The following CACNG8 variants were observed in gnomAD, a reference collection of about 807,000 sequenced individuals.
CACNG8 encodes calcium voltage-gated channel auxiliary subunit gamma 8, also known as voltage-dependent calcium channel gamma-8 subunit.
In CACNG8, 5 loss-of-function variants were observed where a neutral mutation model predicts 26.9. The ratio of observed to expected loss-of-function variants is 0.19; its 90% CI spans 0.10 to 0.39. The LOEUF (loss-of-function observed/expected upper bound fraction) is 0.39. Ranked by LOEUF, CACNG8 falls within the 10% of genes least tolerant of loss-of-function variation. The pLI, the probability that CACNG8 is intolerant of heterozygous loss-of-function variation, is 1.00. For synonymous variants in CACNG8, 321 were observed against 296.7 expected (o/e 1.08, Z -0.84); for missense variants, 473 against 609.4 (o/e 0.78, Z 2.36).
Position 53,963,121 on chromosome 19 carries a change from C to A in CACNG8, c.-22C>A. The A allele has an allele frequency of 1.4e-6, 2 of 1,457,044 alleles. No homozygotes were observed. Among genetic ancestry groups the A allele is most frequent in the Non-Finnish European group, 1.8e-6 (2 of 1,102,282 alleles). The allele number at this position is 1,457,044 out of a possible 1,614,324, so 90.3% of individuals were successfully genotyped here. ...CGCTGCCCCGGTGGTGGCCCACGGC[C>A]CCCCGGCTGCCCGTGGTCAAACTGG... On this transcript the variant is annotated 5_prime_UTR_variant, in exon 1 of 4. Transcript: ENST00000270458.
intron 1 of CACNG8, among the ~76,000 whole-genome samples, chr19:53,966,516 C>T (rs927604574): frequency 3.9e-5 from 6 of 151,992 alleles, no homozygotes; most frequent in South Asian, 2.1e-4. Context: ...GAACCCAAGC[C>T]GTCCTCTTGC....
intron 3 of CACNG8, among the ~76,000 whole-genome samples, chr19:53,981,367 A>G (rs979720185): frequency 1.0e-4 from 15 of 143,182 alleles, no homozygotes; most frequent in South Asian, 2.3e-4. Flanking sequence ...ACTCGCTGGG[A>G]GTGGGGCTTA....
At position 53,976,696 on chromosome 19, in the gene CACNG8, G is replaced by A. The variant is rs185018280; in HGVS notation, c.284-1450G>A. Among the ~76,000 whole-genome samples, 64 of 150,354 alleles carry A rather than the reference G, an allele frequency of 4.3e-4. No individual in the cohort carries two copies. In the East Asian group the frequency reaches 0.011, roughly 26 times the overall value. Reference sequence around the variant, plus strand: ...CTCTCTTTTTTTTTTCTTTTGAGACGGAGTCTCGCTTTGTCACCCAGGCTG... The same window carrying A: ...CTCTCTTTTTTTTTTCTTTTGAGACAGAGTCTCGCTTTGTCACCCAGGCTG... On this transcript the variant is annotated intron_variant, in intron 1 of 3. Coordinates refer to ENST00000270458, the MANE Select transcript of CACNG8 (RefSeq NM_031895.6).
chr19:53,988,234 AT>A lies in CACNG8; in HGVS notation c.*5388del, dbSNP rs778278364. 3.8e-4 allele frequency: 57 copies of A among 149,280 alleles called. No homozygotes were observed. The highest frequency in any genetic ancestry group is 6.2e-4 in the Non-Finnish European group (42 of 67,978). The allele number at this position is 149,280 out of a possible 1,614,324, so 9.2% of individuals were successfully genotyped here. ...CCTGCTGGAGTGGAGGGGAGAGAGA[AT>A]TTGGGGGGAAGACAGAAGGAAAGGG... On this transcript the variant is annotated 3_prime_UTR_variant, in exon 4 of 4. Transcript: ENST00000270458.
intron 3 of CACNG8, among the ~76,000 whole-genome samples, chr19:53,981,520 TC>T (rs1298504509): frequency 6.6e-6 from 1 of 151,404 alleles, no homozygotes; most frequent in East Asian, 2.0e-4. Flanking sequence ...TGGGGGTGGG[TC>T]CTAGACCACC....
intron 1 of CACNG8, among the ~76,000 whole-genome samples, chr19:53,971,878 T>C (rs900574110): frequency 4.6e-5 from 7 of 152,196 alleles, no homozygotes; most frequent in Non-Finnish European, 8.8e-5. Context: ...GGGTCTGCGC[T>C]AGGCAGCCCC....
intron 2 of CACNG8, among the ~76,000 whole-genome samples, chr19:53,979,638 G>C (rs953232696): frequency 2.0e-5 from 3 of 152,092 alleles, no homozygotes; most frequent in African/African-American, 7.2e-5. Flanking sequence ...GAAGAAAAAA[G>C]AAAAGGACAA....
At position 53,982,786 on chromosome 19, in the gene CACNG8, C is replaced by G; in HGVS notation, c.1215C>G (p.Thr405=). 4 of 1,358,200 alleles carry G rather than the reference C, an allele frequency of 2.9e-6. No individual in the cohort carries two copies. The highest frequency in any genetic ancestry group is 3.8e-6 in the Non-Finnish European group (4 of 1,049,006). The allele number at this position is 1,358,200 out of a possible 1,614,324, so 84.1% of individuals were successfully genotyped here. The change falls in exon 4 of 4, where the codon ACC becomes ACG. Residue 405 remains threonine, a synonymous_variant. Transcript: ENST00000270458. This position sits in a 1 kb window ranked among gnomAD's most constrained non-coding sequence, Gnocchi z 8.4. ...CGCCCTCTGCGCCCGCCCCCGGGACCCTGGCCAAGGAGGCCGCCGCCTCCA... is the reference window on the plus strand; with the variant it reads ...CGCCCTCTGCGCCCGCCCCCGGGACGCTGGCCAAGGAGGCCGCCGCCTCCA...
chr19:53,978,044 A>G, intron 1 of CACNG8, 102 bp from the exon 2 acceptor site: 2 of 749,530 alleles, frequency 2.7e-6, no homozygotes, highest in South Asian at 1.6e-5. Flanking sequence ...CAGCCCAGAG[A>G]GAGAAGGGGT....
At chr19:53,974,283 G>A (rs77513270) in intron 1 of CACNG8, among the ~76,000 whole-genome samples, 1 of 152,316 alleles carries the variant, frequency 6.6e-6, no homozygotes, top group East Asian at 1.9e-4. Flanking sequence ...GCATGTATCA[G>A]AATTTGCTTC....
chr19:53,970,931 C>CAAAAAAA (rs34478690), intron 1 of CACNG8, among the ~76,000 whole-genome samples: 2 of 96,650 alleles, frequency 2.1e-5, no homozygotes, highest in African/African-American at 4.2e-5. Context: ...GACCCTATCT[C>CAAAAAAA]AAAAAAAAAA....
At position 53,982,994 on chromosome 19, in the gene CACNG8, C is replaced by CCCCCCT. The variant is rs1439189186; in HGVS notation, c.*154_*159dup. On this transcript the variant is annotated 3_prime_UTR_variant, in exon 4 of 4. Coordinates refer to ENST00000270458, the MANE Select transcript of CACNG8 (RefSeq NM_031895.6). This position sits in a 1 kb window ranked among gnomAD's most constrained non-coding sequence, Gnocchi z 8.4. The stretch of plus-strand genomic sequence containing the variant: ...GCCCGCCCCACGCCCACCCTCCCCG[C>CCCCCCT]CCCCCTCCCCCTCCGAAGCAGGGAC... 3 of 401,170 alleles carry CCCCCCT rather than the reference C, an allele frequency of 7.5e-6. No individual in the cohort carries two copies. Among genetic ancestry groups the CCCCCCT allele is most frequent in the Non-Finnish European group, 1.2e-5 (3 of 256,822 alleles). The allele number at this position is 401,170 out of a possible 1,614,324, so 24.9% of individuals were successfully genotyped here.
In CACNG8 at chr19:53,963,154, G is replaced by A. The variant is rs2069252653; in HGVS notation, c.12G>A (p.Leu4=). ...TGCCCGTGGTCAAACTGGAGTCGCT[G>A]AAGCGCTGGAACGAAGAGCGGGGCC... The change falls in exon 1 of 4, where the codon CTG becomes CTA. Residue 4 remains leucine, a synonymous_variant. Transcript: ENST00000270458. The A allele has an allele frequency of 6.5e-7, 1 of 1,529,374 alleles. No individual in the cohort carries two copies. Among genetic ancestry groups the A allele is most frequent in the Non-Finnish European group, 8.8e-7 (1 of 1,139,240 alleles). The allele number at this position is 1,529,374 out of a possible 1,614,324, so 94.7% of individuals were successfully genotyped here.
Position 53,982,853 on chromosome 19 carries a change from CGCGGCGGGGGA to C in CACNG8, c.*7_*17del. ...CAGGAAAACCACGCCTGTGTAGGGGCGCGGCGGGGGAGCCGAGGGGCGTGTCCGGGGCGCGT... is the reference window on the plus strand; with the variant it reads ...CAGGAAAACCACGCCTGTGTAGGGGCGCCGAGGGGCGTGTCCGGGGCGCGT... On this transcript the variant is annotated 3_prime_UTR_variant, in exon 4 of 4. Transcript: ENST00000270458. The surrounding 1 kb of genome is among the most constrained non-coding windows in gnomAD (Gnocchi z 8.4). The C allele has an allele frequency of 7.6e-7, 1 of 1,311,498 alleles. No homozygotes were observed. The highest frequency in any genetic ancestry group is 9.7e-7 in the Non-Finnish European group (1 of 1,027,854). The allele number at this position is 1,311,498 out of a possible 1,614,324, so 81.2% of individuals were successfully genotyped here.
chr19:53,982,686 T>A lies in CACNG8; in HGVS notation c.1115T>A (p.Phe372Tyr). The A allele has an allele frequency of 5.3e-6, 6 of 1,128,968 alleles. No individual in the cohort carries two copies. Among genetic ancestry groups the A allele is most frequent in the Non-Finnish European group, 6.5e-6 (6 of 927,728 alleles). 69.9% of individuals were successfully genotyped at this position (1,128,968 alleles called of 1,614,324 possible). ...GGCTTCCTCACGCTGCACAACGCCTTCCCCAAGGAGGCGGGCGGCGGCGTC... is the reference window on the plus strand; with the variant it reads ...GGCTTCCTCACGCTGCACAACGCCTACCCCAAGGAGGCGGGCGGCGGCGTC... Residue 372 changes from phenylalanine to tyrosine, a missense_variant, in exon 4 of 4, where the codon TTC becomes TAC. Around this residue, in one of 6 missense-constraint regions of CACNG8, gnomAD observed 212 missense variants for 214.4 expected, o/e 0.99. Coordinates refer to ENST00000270458, the MANE Select transcript of CACNG8 (RefSeq NM_031895.6). This position sits in a 1 kb window ranked among gnomAD's most constrained non-coding sequence, Gnocchi z 8.4.
At chr19:53,975,457 G>A (rs544224371) in intron 1 of CACNG8, among the ~76,000 whole-genome samples, 1 of 152,202 alleles carries the variant, frequency 6.6e-6, no homozygotes, top group South Asian at 2.1e-4. Flanking sequence ...TCAGCGCGCT[G>A]CAACCTCCTC....
chr19:53,975,687 C>A (rs969509539), intron 1 of CACNG8, among the ~76,000 whole-genome samples: 1 of 152,116 alleles, frequency 6.6e-6, no homozygotes, highest in Admixed American at 6.6e-5. Flanking sequence ...CCCATTCAAC[C>A]ATTCTCTCAT....
intron 3 of CACNG8, among the ~76,000 whole-genome samples, chr19:53,981,153 T>G (rs2069365246): frequency 6.6e-6 from 1 of 152,030 alleles, no homozygotes; most frequent in African/African-American, 2.4e-5. Context: ...CGGCAGGAAT[T>G]ATATGAAGAG....
In CACNG8 at chr19:53,963,229, C is replaced by T; in HGVS notation, c.87C>T (p.Phe29=). ...TGCTGCTGACGACGGTGGGCGCCTT[C>T]GCCGCCTTCGGCCTCATGACCATCG... Residue 29 remains phenylalanine (F), a synonymous_variant, in exon 1 of 4, where the codon TTC becomes TTT. Transcript: ENST00000270458. 6.2e-7 allele frequency: 1 copy of T among 1,608,332 alleles called. No individual in the cohort carries two copies. Among genetic ancestry groups the T allele is most frequent in the Non-Finnish European group, 8.5e-7 (1 of 1,178,278 alleles).
Sources: gnomAD v4.1 joint callset for allele counts (sites outside exome capture counted in the v4.1 genomes callset) on GRCh38, gnomAD v4.1.1 for gene constraint, gnomAD v4.1.1 regional missense constraint, Gnocchi (gnomAD v3.1) non-coding constraint, MANE v1.5 for transcripts, NCBI Gene and HGNC (gene_info 2026-07-23, HGNC 2026-07-21) for gene names.